Variants in CASTOR2 observed in about 807,000 individuals in gnomAD.
CASTOR2 encodes cytosolic arginine sensor for mTORC1 subunit 2.
CASTOR2 carries 8 observed loss-of-function variants against 31.2 expected under a neutral mutation model. The observed-to-expected ratio is 0.26, with a 90% CI of 0.15 to 0.46. CASTOR2 has a LOEUF of 0.46. Ranked by LOEUF, CASTOR2 falls within the 20% of genes least tolerant of loss-of-function variation. The pLI, the probability that CASTOR2 is intolerant of heterozygous loss-of-function variation, is 0.99. For missense variants in CASTOR2, 216 were observed against 382.1 expected (o/e 0.57, Z 3.62); for synonymous variants, 162 against 158.7 (o/e 1.02, Z -0.16).
intron 2 of CASTOR2, among the ~76,000 whole-genome samples, chr7:75,014,440 AG>A (rs1804821497): frequency 6.8e-6 from 1 of 148,074 alleles, no homozygotes; most frequent in African/African-American, 2.5e-5. Flanking sequence ...AAAAAAAAAA[AG>A]TAGAGCCAGG....
intron 1 of CASTOR2, among the ~76,000 whole-genome samples, chr7:74,969,305 T>G (rs1273442432): frequency 1.8e-4 from 20 of 112,322 alleles, no homozygotes; most frequent in Admixed American, 1.6e-3. Flanking sequence ...TTTTTGGAGA[T>G]AGGGTCTTCT....
chr7:75,000,395 A>G (rs1421883588), intron 1 of CASTOR2, among the ~76,000 whole-genome samples: 17 of 152,146 alleles, frequency 1.1e-4, no homozygotes, highest in Non-Finnish European at 4.4e-5. Context: ...AGATGTGGCC[A>G]AACTCCCTCA....
At chr7:75,024,610 T>A in intron 8 of CASTOR2, 24 bp from the exon 9 acceptor site, 2 of 1,551,126 alleles carry the variant, frequency 1.3e-6, no homozygotes, top group South Asian at 2.4e-5. Context: ...CGGGCAGGCA[T>A]CTGCCTCCTC....
At chr7:75,007,019 G>C (rs1462923473) in intron 1 of CASTOR2, among the ~76,000 whole-genome samples, 9 of 152,292 alleles carry the variant, frequency 5.9e-5, no homozygotes, top group African/African-American at 2.2e-4. Context: ...CTCAATGGGT[G>C]GGGGTGCAGA....
At chr7:74,991,438 C>T (rs1393857510) in intron 1 of CASTOR2, among the ~76,000 whole-genome samples, 2 of 152,136 alleles carry the variant, frequency 1.3e-5, no homozygotes, top group Non-Finnish European at 2.9e-5. Context: ...CTACCCACCC[C>T]ACCCCAGGCC....
Position 75,025,554 on chromosome 7 carries a change from G to C in CASTOR2, c.*855G>C, listed in dbSNP as rs980454439. Among the ~76,000 whole-genome samples the C allele has an allele frequency of 2.0e-5, 3 of 152,286 alleles. No individual in the cohort carries two copies. The East Asian group carries it at 5.8e-4, about 29-fold the overall frequency. ...CCAGGCCTGAGGTTTCTTAGGTGGT[G>C]TCCCACCTCCCCAACAGACAACTAG... is the stretch of plus-strand genomic sequence containing the variant. On this transcript the variant is annotated 3_prime_UTR_variant, in exon 9 of 9. Coordinates refer to ENST00000616305, the MANE Select transcript of CASTOR2 (RefSeq NM_001145064.3).
chr7:74,975,215 G>A (rs1207062199), intron 1 of CASTOR2, among the ~76,000 whole-genome samples: 2 of 151,270 alleles, frequency 1.3e-5, no homozygotes, highest in African/African-American at 2.4e-5. Flanking sequence ...TGATCTGCCC[G>A]CCTTGGCCTC....
intron 2 of CASTOR2, among the ~76,000 whole-genome samples, chr7:75,016,645 G>A (rs1455925592): frequency 6.6e-6 from 1 of 152,202 alleles, no homozygotes; most frequent in African/African-American, 2.4e-5. Flanking sequence ...AGTTACACAT[G>A]GGACAATGGG....
At chr7:74,986,922 G>A (rs2131926449) in intron 1 of CASTOR2, among the ~76,000 whole-genome samples, 1 of 152,174 alleles carries the variant, frequency 6.6e-6, no homozygotes, top group East Asian at 1.9e-4. Flanking sequence ...CAGGTGTGGT[G>A]GCACACGCCT....
chr7:75,026,696 A>C lies in CASTOR2; in HGVS notation c.*1997A>C, dbSNP rs1027565153. ...TTTAAGTTAATTTGTTTTGCACAAA[A>C]CTCCAGAACAAAACTCGTACATTGC... On this transcript the variant is annotated 3_prime_UTR_variant, in exon 9 of 9. Transcript: ENST00000616305. Among the ~76,000 whole-genome samples, 21 of 151,980 alleles carry C rather than the reference A, an allele frequency of 1.4e-4. No homozygotes were observed. Among genetic ancestry groups the C allele is most frequent in the African/African-American group, 4.8e-4 (20 of 41,416 alleles).
intron 1 of CASTOR2, among the ~76,000 whole-genome samples, chr7:74,974,935 A>G (rs370388377): frequency 6.2e-5 from 9 of 144,910 alleles, no homozygotes; most frequent in African/African-American, 2.0e-4. Context: ...CACATGCCCT[A>G]TTTTAGGTAA....
At chr7:75,017,852 C>A in intron 3 of CASTOR2, 61 bp downstream of exon 3, 26 of 1,613,874 alleles carry the variant, frequency 1.6e-5, no homozygotes, top group Non-Finnish European at 2.2e-5. Flanking sequence ...ACACTCACTC[C>A]CATCTCCCAC....
intron 2 of CASTOR2, among the ~76,000 whole-genome samples, chr7:75,017,101 G>A (rs1425474526): frequency 2.0e-5 from 3 of 152,108 alleles, no homozygotes; most frequent in African/African-American, 7.2e-5. Context: ...GCAATGAGCC[G>A]AGATCGCGCC....
At chr7:75,016,877 C>T (rs1804874857) in intron 2 of CASTOR2, among the ~76,000 whole-genome samples, 1 of 152,234 alleles carries the variant, frequency 6.6e-6, no homozygotes, top group African/African-American at 2.4e-5. Context: ...AAATCCCATC[C>T]TGTTGAAGGC....
rs1267316827 is a variant in CASTOR2 at position 75,028,899 on chromosome 7, C to T, written c.*4200C>T. On this transcript the variant is annotated 3_prime_UTR_variant, in exon 9 of 9. Transcript: ENST00000616305. ...GGGGACCCAAAGCCTCACTCCAAAC[C>T]ACTGGCATTCTCACCTCCTCTCACC... 6.6e-6 allele frequency among the ~76,000 whole-genome samples: 1 copy of T among 152,230 alleles called. No homozygotes were observed. Among genetic ancestry groups the T allele is most frequent in the African/African-American group, 2.4e-5 (1 of 41,460 alleles).
chr7:74,995,606 G>T (rs1470721798), intron 1 of CASTOR2, among the ~76,000 whole-genome samples: 1 of 151,492 alleles, frequency 6.6e-6, no homozygotes, highest in East Asian at 1.9e-4. Context: ...AGGAGATCGA[G>T]ACCATCCTGG....
At chr7:74,973,062 T>A (rs1234219624) in intron 1 of CASTOR2, among the ~76,000 whole-genome samples, 1 of 149,576 alleles carries the variant, frequency 6.7e-6, no homozygotes, top group Non-Finnish European at 1.5e-5. Context: ...TCGCAACACA[T>A]TGGGCTGAGG....
chr7:75,028,188 GCT>G lies in CASTOR2; in HGVS notation c.*3491_*3492del. On this transcript the variant is annotated 3_prime_UTR_variant, in exon 9 of 9. Coordinates refer to ENST00000616305, the MANE Select transcript of CASTOR2 (RefSeq NM_001145064.3). ...GCTGGAGTGCTGTGGCATGATCTCA[GCT>G]CACTGCAGCAACCTCCACTTCCTGG... 9.9e-7 allele frequency: 1 copy of G among 1,013,134 alleles called. No homozygotes were observed. Among genetic ancestry groups the G allele is most frequent in the South Asian group, 1.7e-5 (1 of 58,542 alleles). 62.8% of individuals were successfully genotyped at this position (1,013,134 alleles called of 1,614,324 possible). A position where few individuals can be genotyped will look rare whatever the true frequency, so the allele number is the denominator to read the frequency against.
rs1437593884 is a variant in CASTOR2, at chr7:75,030,876, G to C, written c.*6177G>C. On this transcript the variant is annotated 3_prime_UTR_variant, in exon 9 of 9. Coordinates refer to ENST00000616305, the MANE Select transcript of CASTOR2 (RefSeq NM_001145064.3). Reference sequence around the variant, plus strand: ...CAGATGGTGTTCACAGGGAGAGTTTGTGGGGGCCGGCACTCCCTCATCTAC... The same window carrying C: ...CAGATGGTGTTCACAGGGAGAGTTTCTGGGGGCCGGCACTCCCTCATCTAC... 1.3e-5 allele frequency among the ~76,000 whole-genome samples: 2 copies of C among 152,156 alleles called. No homozygotes were observed. Among genetic ancestry groups the C allele is most frequent in the Non-Finnish European group, 2.9e-5 (2 of 68,024 alleles).
Sources: gnomAD v4.1 joint callset for allele counts (sites outside exome capture counted in the v4.1 genomes callset) on GRCh38, gnomAD v4.1.1 for gene constraint, MANE v1.5 for transcripts, NCBI Gene and HGNC (gene_info 2026-07-23, HGNC 2026-07-21) for gene names.